The following LRP1B variants were observed in gnomAD, a reference collection of about 807,000 sequenced individuals.
LRP1B encodes the protein LDL receptor related protein 1B, also known as low-density lipoprotein receptor-related protein 1B.
Under a neutral mutation model 556.6 loss-of-function variants are expected in LRP1B, and 217 were observed. The observed-to-expected ratio is 0.39, with a 90% CI of 0.35 to 0.44. The LOEUF is 0.44. Among genes scored for constraint, LRP1B ranks in the 20% least tolerant of loss-of-function variants. The pLI is 1.00. For synonymous variants in LRP1B, 2,047 were observed against 1,865.8 expected (o/e 1.10, Z -2.50); for missense variants, 5,053 against 5,620.8 (o/e 0.90, Z 3.23).
chr2:141,891,474 C>T (rs886210993), intron 1 of LRP1B, among the ~76,000 whole-genome samples: 1 of 152,066 alleles, frequency 6.6e-6, no homozygotes, highest in Non-Finnish European at 1.5e-5. Flanking sequence ...ACATATTAAC[C>T]TTAAGCAAAG....
chr2:141,585,388 T>G (rs940531952), intron 2 of LRP1B, among the ~76,000 whole-genome samples: 2 of 151,348 alleles, frequency 1.3e-5, no homozygotes, highest in African/African-American at 2.4e-5. Context: ...AGGCAACAAA[T>G]GTAAAGAAGT....
chr2:140,848,042 C>T (rs1215756036), intron 29 of LRP1B, among the ~76,000 whole-genome samples: 2 of 151,862 alleles, frequency 1.3e-5, no homozygotes, highest in Non-Finnish European at 2.9e-5. Context: ...ATCTTTTGCT[C>T]TTTATAATTC....
chr2:140,811,553 C>T (rs1338953622), intron 32 of LRP1B, among the ~76,000 whole-genome samples: 1 of 151,996 alleles, frequency 6.6e-6, no homozygotes, highest in Non-Finnish European at 1.5e-5. Flanking sequence ...CTTAGTTATG[C>T]TATTTGATAG....
intron 66 of LRP1B, among the ~76,000 whole-genome samples, chr2:140,404,990 C>T (rs1400625383): frequency 6.6e-6 from 1 of 152,236 alleles, no homozygotes; most frequent in East Asian, 1.9e-4. Context: ...AAACAAGTCT[C>T]AATGAATTTA....
chr2:141,200,944 G>A (rs1245280448), intron 6 of LRP1B, among the ~76,000 whole-genome samples: 1 of 152,136 alleles, frequency 6.6e-6, no homozygotes. Context: ...TCTTCAGTCA[G>A]TTTAAGCAGC....
chr2:141,268,764 T>A (rs56025738), intron 3 of LRP1B, among the ~76,000 whole-genome samples: 1 of 152,008 alleles, frequency 6.6e-6, no homozygotes, highest in African/African-American at 2.4e-5. Context: ...CTGAAGAGAC[T>A]GAACTAGATA....
chr2:140,707,105 CTTT>C (rs1329608119), intron 37 of LRP1B, among the ~76,000 whole-genome samples: 1 of 152,118 alleles, frequency 6.6e-6, no homozygotes, highest in African/African-American at 2.4e-5. Flanking sequence ...AAATTCTCTT[CTTT>C]GATTGCTAAA....
At chr2:141,113,993 A>G (rs934052217) in intron 7 of LRP1B, among the ~76,000 whole-genome samples, 1 of 152,244 alleles carries the variant, frequency 6.6e-6, no homozygotes, top group African/African-American at 2.4e-5. Flanking sequence ...AGGTCATTCT[A>G]TGTATGGAGC....
chr2:140,971,047 A>G (rs1045954019), intron 18 of LRP1B, among the ~76,000 whole-genome samples: 1 of 152,140 alleles, frequency 6.6e-6, no homozygotes, highest in African/African-American at 2.4e-5. Flanking sequence ...CTCAGCCTCT[A>G]AAATGATTGG....
At chr2:140,885,949 C>T (rs1483514490) in intron 24 of LRP1B, among the ~76,000 whole-genome samples, 189 bp downstream of exon 24, 3 of 151,624 alleles carry the variant, frequency 2.0e-5, no homozygotes, top group Non-Finnish European at 4.4e-5. Context: ...ACAGCACGAG[C>T]GTCACCACTT....
At chr2:141,149,868 G>A (rs547563914) in intron 7 of LRP1B, among the ~76,000 whole-genome samples, 2 of 152,304 alleles carry the variant, frequency 1.3e-5, no homozygotes, top group East Asian at 3.9e-4. Context: ...GCTATGTATA[G>A]ACAAGATTCT....
intron 7 of LRP1B, among the ~76,000 whole-genome samples, chr2:141,166,254 C>T (rs1680248684): frequency 6.6e-6 from 1 of 151,894 alleles, no homozygotes. Flanking sequence ...CATGCTTCTG[C>T]TCTCTACGTT....
chr2:141,912,121 G>A (rs908929541), intron 1 of LRP1B, among the ~76,000 whole-genome samples: 1 of 152,104 alleles, frequency 6.6e-6, no homozygotes, highest in East Asian at 1.9e-4. Flanking sequence ...CTTCAACTCT[G>A]TCACATATGG....
At chr2:141,125,157 C>T (rs1558877584) in intron 7 of LRP1B, among the ~76,000 whole-genome samples, 4 of 152,168 alleles carry the variant, frequency 2.6e-5, no homozygotes, top group African/African-American at 9.6e-5. Flanking sequence ...ATACCCAAGA[C>T]AAGTATCTTC....
chr2:141,588,220 T>C (rs1044979460), intron 2 of LRP1B, among the ~76,000 whole-genome samples: 5 of 150,786 alleles, frequency 3.3e-5, no homozygotes, highest in African/African-American at 1.2e-4. Context: ...TTTGTCTTCA[T>C]TAATCCCCAA....
At chr2:141,567,735 G>T (rs1285138042) in intron 2 of LRP1B, among the ~76,000 whole-genome samples, 1 of 133,690 alleles carries the variant, frequency 7.5e-6, no homozygotes, top group African/African-American at 2.5e-5. Context: ...TTTTACCTGG[G>T]AAACTAAACA....
chr2:141,096,351 G>A (rs1384910340), intron 7 of LRP1B, among the ~76,000 whole-genome samples: 1 of 152,042 alleles, frequency 6.6e-6, no homozygotes, highest in Non-Finnish European at 1.5e-5. Context: ...ACTTCGGGAG[G>A]CTGAAGCAGG....
intron 62 of LRP1B, among the ~76,000 whole-genome samples, chr2:140,455,835 A>G (rs1687085507): frequency 6.6e-6 from 1 of 152,188 alleles, no homozygotes; most frequent in South Asian, 2.1e-4. Flanking sequence ...CTTAAATCCA[A>G]CAAGATAGTG....
chr2:141,755,345 T>A (rs927799379), intron 2 of LRP1B, among the ~76,000 whole-genome samples: 1 of 151,996 alleles, frequency 6.6e-6, no homozygotes, highest in African/African-American at 2.4e-5. Context: ...CATACCCCAA[T>A]TGAAAATCAT....
Sources: allele counts gnomAD v4.1 joint callset (sites outside exome capture counted in the v4.1 genomes callset), GRCh38; gene constraint gnomAD v4.1.1; transcripts MANE v1.5; gene names NCBI Gene and HGNC (gene_info 2026-07-23, HGNC 2026-07-21).